NPC1: variants seen among roughly 807,000 people sequenced by gnomAD.
NPC1 encodes the protein NPC intracellular cholesterol transporter 1.
In NPC1, 85 loss-of-function variants were observed where a neutral mutation model predicts 140.4. The ratio of observed to expected loss-of-function variants is 0.61; its 90% CI spans 0.51 to 0.72. The LOEUF (loss-of-function observed/expected upper bound fraction) is 0.72, where lower values mean the gene tolerates loss of function less well. Ranked by LOEUF, NPC1 falls within the 30% of genes least tolerant of loss-of-function variation. The pLI, the probability that NPC1 is intolerant of heterozygous loss-of-function variation, is 0.00. For missense variants in NPC1, 1,504 were observed against 1,623.8 expected (o/e 0.93, Z 1.27); for synonymous variants, 656 against 624.8 (o/e 1.05, Z -0.74).
chr18:23,527,343 G>T (rs531151549), downstream of NPC1, among the ~76,000 whole-genome samples: 5 of 151,944 alleles, frequency 3.3e-5, no homozygotes, highest in South Asian at 1.0e-3. Context: ...AGGCTGCAGC[G>T]AGCCGTTTGT....
Position 23,533,294 on chromosome 18 carries a change from T to C in NPC1, c.3754+61A>G, listed in dbSNP as rs539443002. On this transcript the variant is annotated intron_variant, in intron 24 of 24. Transcript: ENST00000269228. ...AATACTTGAAAAGAATGCCTCAGGA[T>C]AGAATTCCCTTTCAGTAATGTCCTT... The C allele has an allele frequency of 5.0e-4, 744 of 1,476,228 alleles. 4 individuals are homozygous for C. The South Asian group carries it at 7.3e-3, about 14-fold the overall frequency. 91.4% of individuals were successfully genotyped at this position (1,476,228 alleles called of 1,614,324 possible). A position where few individuals can be genotyped will look rare whatever the true frequency, so the allele number is the denominator to read the frequency against.
In NPC1 at chr18:23,531,541, C is replaced by A; in HGVS notation, c.*661G>T. On this transcript the variant is annotated 3_prime_UTR_variant, in exon 25 of 25. Coordinates refer to ENST00000269228, the MANE Select transcript of NPC1 (RefSeq NM_000271.5). ...TTTATTAAAGAAAAATAAGTTAAAACCCAGTAGACACACCTACGAGATGCT... is the reference window on the plus strand; with the variant it reads ...TTTATTAAAGAAAAATAAGTTAAAAACCAGTAGACACACCTACGAGATGCT... The A allele has an allele frequency of 6.4e-7, 1 of 1,552,162 alleles. No homozygotes were observed.
At chr18:23,524,375 G>T, downstream of NPC1, 1 of 1,595,804 alleles carries the variant, frequency 6.3e-7, no homozygotes, top group Non-Finnish European at 8.6e-7. Flanking sequence ...GCGGAAACTG[G>T]GTTTGCTTTT....
At position 23,539,798 on chromosome 18, in the gene NPC1, A is replaced by C. The variant is rs1324559455; in HGVS notation, c.2795+13T>G. On this transcript the variant is annotated intron_variant, in intron 18 of 24. Coordinates refer to ENST00000269228, the MANE Select transcript of NPC1 (RefSeq NM_000271.5). ...TCCGCTGCTTCTGAAGTACAAGACA[A>C]GGTGGTACTGACTAGTTGTCCAGCT... 6.2e-7 allele frequency: 1 copy of C among 1,613,444 alleles called. No homozygotes were observed. The highest frequency in any genetic ancestry group is 8.5e-7 in the Non-Finnish European group (1 of 1,179,598).
rs574534457 is a variant in NPC1, at chr18:23,510,196, C to T, written c.432-3554G>A. ...AATGTTAGTCAGGCATGGTGGTGTGCGCCTGTAGTCCCAGCTACTTGGGAG... is the reference window on the plus strand; with the variant it reads ...AATGTTAGTCAGGCATGGTGGTGTGTGCCTGTAGTCCCAGCTACTTGGGAG... On this transcript the variant is annotated intron_variant, in intron 3 of 3. Coordinates refer to the NPC1 transcript ENST00000591107. Among the ~76,000 whole-genome samples, 89 of 151,484 alleles carry T rather than the reference C, an allele frequency of 5.9e-4. 1 individual carries two copies. The South Asian group carries it at 0.017, about 29-fold the overall frequency.
At chr18:23,526,778 CT>C, downstream of NPC1, 2 of 1,613,026 alleles carry the variant, frequency 1.2e-6, no homozygotes, top group East Asian at 4.5e-5. Flanking sequence ...AAGTTGAATC[CT>C]TCCCCCTTGC....
chr18:23,524,165 T>C (rs1208985494), intron 1 of NPC1: 1 of 1,613,788 alleles, frequency 6.2e-7, no homozygotes, highest in African/African-American at 1.3e-5. Flanking sequence ...TCCTGTTCCA[T>C]GTAAACTCTG....
At chr18:23,535,339 A>G in intron 22 of NPC1, 130 bp downstream of exon 22, 1 of 744,388 alleles carries the variant, frequency 1.3e-6, no homozygotes, top group South Asian at 1.5e-5. Flanking sequence ...CTGCCTCTCC[A>G]TGTGTGCCAA....
At chr18:23,520,374 C>T, downstream of NPC1, 1 of 1,355,182 alleles carries the variant, frequency 7.4e-7, no homozygotes, top group South Asian at 1.2e-5. Flanking sequence ...GTGTTCTCAC[C>T]ATGATCTTTG....
At chr18:23,507,978 C>T in intron 3 of NPC1, 1 of 1,610,132 alleles carries the variant, frequency 6.2e-7, no homozygotes, top group South Asian at 1.1e-5. Flanking sequence ...TGTGTTTTTC[C>T]TTTCAGGATT....
At position 23,534,594 on chromosome 18, in the gene NPC1, TC is replaced by T. The variant is rs2058597894; in HGVS notation, c.3478-36del. 4 of 1,556,594 alleles carry T rather than the reference TC, an allele frequency of 2.6e-6. No homozygotes were observed. The East Asian group carries it at 9.1e-5, about 35-fold the overall frequency. On this transcript the variant is annotated intron_variant, in intron 22 of 24. Coordinates refer to ENST00000269228, the MANE Select transcript of NPC1 (RefSeq NM_000271.5). ...AGCACTTCCTTTAGGATGGCTCTCT[TC>T]CTGTTGAAGACCCTAGGCAGCCACC...
intron 11 of NPC1, 107 bp from the exon 12 acceptor site, chr18:23,545,256 GTT>G: frequency 1.2e-6 from 1 of 830,232 alleles, no homozygotes; most frequent in South Asian, 1.5e-5. Context: ...CTTTTTTTTG[GTT>G]TTGAGACTGA....
At chr18:23,577,754 G>A (rs1475733717) in intron 1 of NPC1, among the ~76,000 whole-genome samples, 1 of 152,254 alleles carries the variant, frequency 6.6e-6, no homozygotes, top group Non-Finnish European at 1.5e-5. Context: ...ATGGCGGGCT[G>A]CAGGTCCCGA....
chr18:23,523,652 G>A (rs1424805679), intron 1 of NPC1, among the ~76,000 whole-genome samples: 2 of 151,722 alleles, frequency 1.3e-5, no homozygotes, highest in Non-Finnish European at 2.9e-5. Context: ...GAGCCAAGGA[G>A]TTCGTGGTTA....
intron 23 of NPC1, chr18:23,534,126 A>T (rs112921517): frequency 6.1e-6 from 3 of 490,986 alleles, no homozygotes; most frequent in African/African-American, 1.9e-5. Context: ...CTCTCCAGGC[A>T]CCAACCGCAC....
rs1337981339 is a variant in NPC1 at position 23,536,889 on chromosome 18, T to A, written c.3042-13A>T. 1.2e-6 allele frequency: 2 copies of A among 1,610,158 alleles called. No individual in the cohort carries two copies. Among genetic ancestry groups the A allele is most frequent in the Admixed American group, 3.3e-5 (2 of 59,926 alleles). On this transcript the variant is annotated splice_polypyrimidine_tract_variant and intron_variant, in intron 20 of 24. Coordinates refer to ENST00000269228, the MANE Select transcript of NPC1 (RefSeq NM_000271.5). ...GGCAGCATGTCCCCTGAGGAAAGAA[T>A]CCTGGGTGTCAAGAGAGTCCAGGTC...
chr18:23,568,572 A>C (rs545838944), intron 4 of NPC1, among the ~76,000 whole-genome samples: 2 of 152,344 alleles, frequency 1.3e-5, no homozygotes, highest in African/African-American at 4.8e-5. Flanking sequence ...GTATGGATGC[A>C]AACTTGCACA....
Position 23,586,460 on chromosome 18 carries a change from G to A in NPC1, c.-117C>T, listed in dbSNP as rs2059421029. On this transcript the variant is annotated 5_prime_UTR_variant, in exon 1 of 25. Transcript: ENST00000269228. The stretch of plus-strand genomic sequence containing the variant: ...CCGCGCAGGAGGAGCGGAGGAGCAG[G>A]AGCAGGCGCTGACCGCGGCAGCAGG... 27 of 1,476,342 alleles carry A rather than the reference G, an allele frequency of 1.8e-5. No individual in the cohort carries two copies. The highest frequency in any genetic ancestry group is 2.1e-5 in the Non-Finnish European group (24 of 1,120,544). 91.5% of individuals were successfully genotyped at this position (1,476,342 alleles called of 1,614,324 possible).
intron 4 of NPC1, among the ~76,000 whole-genome samples, chr18:23,561,832 G>A (rs1394434365): frequency 6.6e-6 from 1 of 152,094 alleles, no homozygotes; most frequent in African/African-American, 2.4e-5. Context: ...CCACTATATA[G>A]AAGAGTATAC....
Sources: allele counts gnomAD v4.1 joint callset (sites outside exome capture counted in the v4.1 genomes callset), GRCh38; gene constraint gnomAD v4.1.1; transcripts MANE v1.5; gene names NCBI Gene and HGNC (gene_info 2026-07-23, HGNC 2026-07-21).